The following ZNF469 variants were observed in gnomAD, a reference collection of about 807,000 sequenced individuals.
ZNF469 encodes the protein zinc finger protein 469.
In ZNF469, 1 loss-of-function variant was observed where a neutral mutation model predicts 1.0. The ratio of observed to expected loss-of-function variants is 1.00; its 90% CI spans 0.35 to 4.73. The LOEUF is 4.73. ZNF469 is among the 30% of genes most tolerant of loss of function. ZNF469 has a pLI of 0.16. For synonymous variants in ZNF469, 2,703 were observed against 2,363.4 expected (o/e 1.14, Z -4.17); for missense variants, 6,100 against 5,356.3 (o/e 1.14, Z -4.33).
chr16:88,364,082 G>A, the ZNF469 span, among the ~76,000 whole-genome samples: 2 of 152,202 alleles, frequency 1.3e-5, no homozygotes, highest in South Asian at 4.1e-4. Context: ...TATATTTTTT[G>A]TGTTACCTTC....
chr16:88,130,346 G>A, the ZNF469 span, among the ~76,000 whole-genome samples: 19 of 152,210 alleles, frequency 1.2e-4, no homozygotes, highest in Admixed American at 9.2e-4. Context: ...TGATATCGGC[G>A]TCCCTAGAAA....
the ZNF469 span, among the ~76,000 whole-genome samples, chr16:88,276,106 A>G: frequency 6.6e-6 from 1 of 152,160 alleles, no homozygotes; most frequent in African/African-American, 2.4e-5. Context: ...GCACAGTGCA[A>G]CGACCAAACA....
At chr16:88,323,484 C>T in the ZNF469 span, among the ~76,000 whole-genome samples, 2 of 152,186 alleles carry the variant, frequency 1.3e-5, no homozygotes, top group Non-Finnish European at 2.9e-5. Flanking sequence ...CAGCAAAGGC[C>T]CCAGGACAGG....
chr16:88,342,352 G>C, the ZNF469 span, among the ~76,000 whole-genome samples: 1 of 152,056 alleles, frequency 6.6e-6, no homozygotes, highest in African/African-American at 2.4e-5. Context: ...AGATCTCATG[G>C]GGGAGGCCAA....
intron 1 of ZNF469, among the ~76,000 whole-genome samples, chr16:88,393,350 C>T (rs1904542185): frequency 1.3e-5 from 2 of 152,244 alleles, no homozygotes; most frequent in African/African-American, 4.8e-5. Context: ...CTGCCTGGAG[C>T]TGGGAGCCGC....
the ZNF469 span, among the ~76,000 whole-genome samples, chr16:88,148,890 G>A: frequency 1.3e-5 from 2 of 152,170 alleles, no homozygotes; most frequent in African/African-American, 2.4e-5. Flanking sequence ...TGTGGGACAC[G>A]CTGCAGGGTC....
the ZNF469 span, among the ~76,000 whole-genome samples, chr16:88,301,106 G>A: frequency 7.9e-5 from 12 of 152,116 alleles, no homozygotes; most frequent in African/African-American, 2.2e-4. Flanking sequence ...CGTTGGGAGC[G>A]TGCTTTGTAC....
chr16:88,221,300 C>A, the ZNF469 span, among the ~76,000 whole-genome samples: 1 of 152,238 alleles, frequency 6.6e-6, no homozygotes, highest in African/African-American at 2.4e-5. Context: ...TTCCCACGGC[C>A]GTGAGGGCTC....
chr16:88,433,726 A>G lies in ZNF469; in HGVS notation c.6256A>G (p.Arg2086Gly), dbSNP rs1309782992. 1 of 1,548,798 alleles carries G rather than the reference A, an allele frequency of 6.5e-7. No individual in the cohort carries two copies. The highest frequency in any genetic ancestry group is 8.7e-7 in the Non-Finnish European group (1 of 1,146,730). Reference sequence around the variant, plus strand: ...TGGATCTGAGGGCCGGACTCCAGAGAGGGCGTCCAGCCCCGGCCTGAACAA... The same window carrying G: ...TGGATCTGAGGGCCGGACTCCAGAGGGGGCGTCCAGCCCCGGCCTGAACAA... ...RSGSEGRTPE[R>G]ASSPGLNKPL... Residue 2086 changes from arginine to glycine, a missense_variant, in exon 3 of 3, where the codon AGG becomes GGG. By Grantham distance (125) the Arg-to-Gly change is moderately radical (BLOSUM62 -2). Transcript: ENST00000565624.
the ZNF469 span, among the ~76,000 whole-genome samples, chr16:88,230,183 G>C: frequency 6.6e-6 from 1 of 152,220 alleles, no homozygotes; most frequent in East Asian, 1.9e-4. Flanking sequence ...TTCTAGTCCC[G>C]CTCGTGGTTT....
the ZNF469 span, among the ~76,000 whole-genome samples, chr16:88,269,871 A>G: frequency 6.6e-6 from 1 of 152,074 alleles, no homozygotes; most frequent in Non-Finnish European, 1.5e-5. Flanking sequence ...TTCCCGGCGT[A>G]GATGCTCCAG....
At chr16:88,162,724 C>G in the ZNF469 span, among the ~76,000 whole-genome samples, 8 of 151,420 alleles carry the variant, frequency 5.3e-5, no homozygotes, top group African/African-American at 1.9e-4. Context: ...TCCCTTGCCA[C>G]CCTGGCAGTG....
chr16:88,370,418 A>G, the ZNF469 span, among the ~76,000 whole-genome samples: 1 of 152,096 alleles, frequency 6.6e-6, no homozygotes, highest in African/African-American at 2.4e-5. Flanking sequence ...AGAACAGACA[A>G]AGGTTCCAGA....
chr16:88,162,145 T>A, the ZNF469 span, among the ~76,000 whole-genome samples: 1 of 152,116 alleles, frequency 6.6e-6, no homozygotes, highest in African/African-American at 2.4e-5. Flanking sequence ...CATGGAAACA[T>A]GAGAGTTGAG....
At chr16:88,184,925 T>C in the ZNF469 span, among the ~76,000 whole-genome samples, 1 of 151,988 alleles carries the variant, frequency 6.6e-6, no homozygotes, top group South Asian at 2.1e-4. Context: ...AATAGGCTGT[T>C]ATGCACAGAC....
chr16:88,267,238 C>T, the ZNF469 span, among the ~76,000 whole-genome samples: 3 of 152,340 alleles, frequency 2.0e-5, no homozygotes, highest in East Asian at 1.9e-4. Context: ...TGCTCCTGAC[C>T]GTGGCTGCCA....
At chr16:88,320,356 T>C in the ZNF469 span, among the ~76,000 whole-genome samples, 4 of 152,208 alleles carry the variant, frequency 2.6e-5, no homozygotes, top group Non-Finnish European at 4.4e-5. Flanking sequence ...TCAGCATTTC[T>C]TAAAGGCTGA....
the ZNF469 span, among the ~76,000 whole-genome samples, chr16:88,219,652 A>C: frequency 6.6e-6 from 1 of 151,786 alleles, no homozygotes; most frequent in African/African-American, 2.4e-5. Context: ...ATTAGACCTA[A>C]AACCATAAAA....
At chr16:88,155,637 C>A in the ZNF469 span, among the ~76,000 whole-genome samples, 1,189 of 152,330 alleles carry the variant, frequency 7.8e-3, 10 homozygotes, top group Non-Finnish European at 0.013. Flanking sequence ...GACCAGAACC[C>A]CATTCCTTTG....
Sources: gnomAD v4.1 joint callset for allele counts (sites outside exome capture counted in the v4.1 genomes callset) on GRCh38, gnomAD v4.1.1 for gene constraint, MANE v1.5 for transcripts, NCBI Gene and HGNC (gene_info 2026-07-23, HGNC 2026-07-21) for gene names.